The following RIN2 variants were observed in gnomAD, a reference collection of about 807,000 sequenced individuals.
RIN2 encodes Ras and Rab interactor 2.
In RIN2, 36 loss-of-function variants were observed where a neutral mutation model predicts 78.0. The ratio of observed to expected loss-of-function variants is 0.46; its 90% CI spans 0.35 to 0.61. The LOEUF (loss-of-function observed/expected upper bound fraction) is 0.61. Ranked by LOEUF, RIN2 falls within the 20% of genes least tolerant of loss-of-function variation. The pLI is 0.00. For synonymous variants in RIN2, 466 were observed against 466.8 expected, an observed-to-expected ratio of 1.00 and a Z score of 0.02; for missense variants, 1,087 against 1,159.7, an observed-to-expected ratio of 0.94 and a Z score of 0.91.
rs2043147678 is a variant in RIN2, at chr20:20,001,712, G to A, written c.*776G>A. 1 of 152,562 alleles carries A rather than the reference G, an allele frequency of 6.6e-6. No homozygotes were observed. Among genetic ancestry groups the A allele is most frequent in the Non-Finnish European group, 1.5e-5 (1 of 68,044 alleles). 9.5% of individuals were successfully genotyped at this position (152,562 alleles called of 1,614,324 possible). On this transcript the variant is annotated 3_prime_UTR_variant, in exon 13 of 13. Coordinates refer to ENST00000255006, the MANE Select transcript of RIN2 (RefSeq NM_018993.4). ...TGTTCTCTTGTTCACGTTTAGTGGT[G>A]TTTTGCTGTTTTGTTTTTTAAACAA...
chr20:19,810,244 C>CAA (rs58768278), intron 2 of RIN2, among the ~76,000 whole-genome samples: 49 of 80,634 alleles, frequency 6.1e-4, no homozygotes, highest in African/African-American at 1.4e-3. Flanking sequence ...ATTAATAATA[C>CAA]AAAAAAAAAA....
At chr20:19,889,410 G>A (rs1244708644) in intron 2 of RIN2, 156 bp from the exon 3 acceptor site, 4 of 1,150,966 alleles carry the variant, frequency 3.5e-6, no homozygotes, top group Non-Finnish European at 4.6e-6. Context: ...ACAGGAAATT[G>A]GGCTGAAGGG....
chr20:19,935,078 A>G (rs765007046), intron 3 of RIN2, 21 bp from the exon 4 acceptor site: 31 of 1,563,938 alleles, frequency 2.0e-5, no homozygotes, highest in Non-Finnish European at 2.6e-5. Flanking sequence ...CTGACGTCAT[A>G]CTATTTTTGT....
intron 2 of RIN2, chr20:19,823,297 G>A (rs2122920562): frequency 1.7e-6 from 1 of 582,954 alleles, no homozygotes; most frequent in Non-Finnish European, 3.0e-6. Flanking sequence ...CTGGAATCTG[G>A]GGACTGAATG....
At position 19,975,257 on chromosome 20, in the gene RIN2, C is replaced by T. The variant is rs1243130854; in HGVS notation, c.1232C>T (p.Ala411Val). ...GCCGCCCCGGGGGATTGCACAAGGGCCCCGCCGCCCAGCTCTGAATCACGG... is the reference window on the plus strand; with the variant it reads ...GCCGCCCCGGGGGATTGCACAAGGGTCCCGCCGCCCAGCTCTGAATCACGG... ...PEAAPGDCTRAPPPSSESRPP... is the reference protein window; with the variant it reads ...PEAAPGDCTRVPPPSSESRPP... The change falls in exon 9 of 13, where the codon GCC (alanine) becomes GTC (valine). Residue 411 changes from alanine (A) to valine (V), a missense_variant. Physicochemically the swap from Ala to Val is moderately conservative, Grantham distance 64 (BLOSUM62 0). Coordinates refer to ENST00000255006, the MANE Select transcript of RIN2 (RefSeq NM_018993.4). This position sits in a 1 kb window ranked among gnomAD's most constrained non-coding sequence, Gnocchi z 4.9. 7.6e-6 allele frequency: 12 copies of T among 1,582,896 alleles called. No homozygotes were observed. Among genetic ancestry groups the T allele is most frequent in the Non-Finnish European group, 2.6e-6 (3 of 1,164,702 alleles).
At chr20:19,779,906 A>G (rs181881331) in intron 1 of RIN2, among the ~76,000 whole-genome samples, 2 of 152,246 alleles carry the variant, frequency 1.3e-5, no homozygotes, top group Admixed American at 6.5e-5. Context: ...AAATCAGCCT[A>G]TTTCTGGAGG....
intron 4 of RIN2, among the ~76,000 whole-genome samples, chr20:19,945,312 T>G (rs1216777311): frequency 6.6e-6 from 1 of 151,700 alleles, no homozygotes; most frequent in East Asian, 1.9e-4. Flanking sequence ...AAAATAGCAT[T>G]GTGATTTCAG....
At chr20:19,930,686 G>A (rs2040407083) in intron 3 of RIN2, among the ~76,000 whole-genome samples, 1 of 152,120 alleles carries the variant, frequency 6.6e-6, no homozygotes, top group South Asian at 2.1e-4. Flanking sequence ...CCTGTTTGGG[G>A]CCACAGCCAC....
At chr20:19,943,693 A>G (rs1254187588) in intron 4 of RIN2, among the ~76,000 whole-genome samples, 3 of 152,166 alleles carry the variant, frequency 2.0e-5, no homozygotes, top group African/African-American at 7.2e-5. Flanking sequence ...TTTGATCTCA[A>G]ATAAGGAGAT....
chr20:19,860,422 C>A (rs1203567422), intron 2 of RIN2, among the ~76,000 whole-genome samples: 3 of 152,044 alleles, frequency 2.0e-5, no homozygotes, highest in Non-Finnish European at 4.4e-5. Flanking sequence ...CCTCCTCAAG[C>A]AACTCCCCTG....
At chr20:19,924,500 C>T (rs1262561448) in intron 3 of RIN2, among the ~76,000 whole-genome samples, 11 of 75,594 alleles carry the variant, frequency 1.5e-4, no homozygotes, top group East Asian at 9.7e-4. Flanking sequence ...CACCTTCATA[C>T]CCCCACCTTC....
At chr20:19,879,488 TC>T (rs1187037993) in intron 2 of RIN2, among the ~76,000 whole-genome samples, 1 of 152,210 alleles carries the variant, frequency 6.6e-6, no homozygotes, top group East Asian at 1.9e-4. Context: ...CCACATGGAA[TC>T]CGTGGGCTTA....
At position 19,956,714 on chromosome 20, in the gene RIN2, C is replaced by A. The variant is rs369258850; in HGVS notation, c.258C>A (p.Ile86=). Residue 86 remains isoleucine (I), a synonymous_variant, in exon 5 of 13, where the codon ATC becomes ATA. Transcript: ENST00000255006. ...ACAGCCTCTCCAACAGGCTCAGCAT[C>A]TTGGACCGGCTCCTCCACACCCACC... is the stretch of plus-strand genomic sequence containing the variant. ...GYDSLSNRLS[I]LDRLLHTHPI... 5.6e-5 allele frequency: 91 copies of A among 1,611,344 alleles called. 1 individual carries two copies. In the South Asian group the frequency reaches 8.5e-4, roughly 15 times the overall value.
chr20:19,915,595 A>T (rs1284570976), intron 3 of RIN2, among the ~76,000 whole-genome samples: 1 of 152,238 alleles, frequency 6.6e-6, no homozygotes, highest in Non-Finnish European at 1.5e-5. Context: ...AGATGTCCGC[A>T]TCAGAGCGCA....
At chr20:19,952,133 A>C (rs2041341872) in intron 4 of RIN2, among the ~76,000 whole-genome samples, 1 of 152,198 alleles carries the variant, frequency 6.6e-6, no homozygotes, top group African/African-American at 2.4e-5. Context: ...AGCAGCGTGA[A>C]TAGCCCCCCA....
At chr20:19,851,053 A>G (rs1315746283) in intron 2 of RIN2, among the ~76,000 whole-genome samples, 76 of 35,536 alleles carry the variant, frequency 2.1e-3, no homozygotes, top group Middle Eastern at 0.013. Flanking sequence ...AAGGAAGGAG[A>G]AAGAAAGGAA....
At chr20:19,844,606 CTTCTTCTTCTTCTTCT>C (rs1568807078) in intron 2 of RIN2, among the ~76,000 whole-genome samples, 14 of 49,082 alleles carry the variant, frequency 2.9e-4, no homozygotes, top group Admixed American at 8.5e-4. Flanking sequence ...TCTTCCTCTT[CTTCTTCTTCTTCTTCT>C]TCTTCTTCTT....
At chr20:19,882,689 C>T (rs1043576091) in intron 2 of RIN2, among the ~76,000 whole-genome samples, 2 of 152,144 alleles carry the variant, frequency 1.3e-5, no homozygotes, top group African/African-American at 2.4e-5. Context: ...TGTTGTGTGA[C>T]CACTGATCAC....
rs534202183 is a variant in RIN2, at chr20:19,890,679, C to CAAAAAAAAAAAAAAA, written c.57+1031_57+1045dup. The stretch of plus-strand genomic sequence containing the variant: ...TATATTGTGTCAACTGTTGACTCTA[C>CAAAAAAAAAAAAAAA]AAAAAAAAAAAAAAAAAAAAAAAAC... On this transcript the variant is annotated intron_variant, in intron 3 of 12. Coordinates refer to ENST00000255006, the MANE Select transcript of RIN2 (RefSeq NM_018993.4). 1.2e-4 allele frequency among the ~76,000 whole-genome samples: 8 copies of CAAAAAAAAAAAAAAA among 64,450 alleles called. 1 individual carries two copies. The highest frequency in any genetic ancestry group is 3.4e-4 in the African/African-American group (6 of 17,454). The allele number at this position is 64,450 out of a possible 152,430, so 42.3% of individuals were successfully genotyped here.
Sources: gnomAD v4.1 joint callset for allele counts (sites outside exome capture counted in the v4.1 genomes callset) on GRCh38, gnomAD v4.1.1 for gene constraint, Gnocchi (gnomAD v3.1) non-coding constraint, MANE v1.5 for transcripts, NCBI Gene and HGNC (gene_info 2026-07-23, HGNC 2026-07-21) for gene names.